The following SOX6 variants were observed in gnomAD, a reference collection of about 807,000 sequenced individuals.
SOX6 encodes the protein transcription factor SOX-6.
SOX6 carries 11 observed loss-of-function variants against 97.8 expected under a neutral mutation model. The observed-to-expected ratio is 0.11, with a 90% CI of 0.07 to 0.19. The LOEUF (loss-of-function observed/expected upper bound fraction) is 0.19. Ranked by LOEUF, SOX6 falls within the 10% of genes least tolerant of loss-of-function variation. SOX6 has a pLI of 1.00. For synonymous variants in SOX6, 360 were observed against 371.4 expected, an observed-to-expected ratio of 0.97 and a Z score of 0.35; for missense variants, 810 against 1,039.5, an observed-to-expected ratio of 0.78 and a Z score of 3.04.
intron 4 of SOX6, among the ~76,000 whole-genome samples, chr11:16,598,049 C>G (rs1261519267): frequency 3.3e-5 from 5 of 152,012 alleles, no homozygotes; most frequent in Admixed American, 6.6e-5. Context: ...AATGGGAAGC[C>G]AGATCCAGAT....
chr11:16,725,830 T>C (rs188059719), intron 2 of SOX6, among the ~76,000 whole-genome samples: 142 of 152,346 alleles, frequency 9.3e-4, no homozygotes, highest in Non-Finnish European at 1.8e-3. Flanking sequence ...ATAGTATTAC[T>C]AATAGATGAA....
rs538299033 is a variant in SOX6, at chr11:16,322,277, C to T, written c.238-3624G>A. Among the ~76,000 whole-genome samples the T allele has an allele frequency of 5.3e-5, 8 of 152,152 alleles. No individual in the cohort carries two copies. The South Asian group carries it at 1.7e-3, about 32-fold the overall frequency. On this transcript the variant is annotated intron_variant, in intron 2 of 15. Coordinates refer to ENST00000683767, the MANE Select transcript of SOX6 (RefSeq NM_001367873.1). ...ATCATGGAGGCAGACTTTCCCCTTG[C>T]TTATGATAATGAGTGAGTTCTCATG...
chr11:16,721,520 C>CTCTCTT, intron 2 of SOX6, among the ~76,000 whole-genome samples: 1 of 65,140 alleles, frequency 1.5e-5, no homozygotes, highest in East Asian at 5.5e-4. Flanking sequence ...CTCTCTCTCT[C>CTCTCTT]TCTCTCTCTC....
chr11:16,147,948 C>T (rs915657168), intron 6 of SOX6, among the ~76,000 whole-genome samples: 1 of 152,158 alleles, frequency 6.6e-6, no homozygotes, highest in South Asian at 2.1e-4. Context: ...CTTTCACACA[C>T]CTTTCAAAGG....
At chr11:16,549,547 T>G (rs926229349) in intron 4 of SOX6, among the ~76,000 whole-genome samples, 7 of 152,196 alleles carry the variant, frequency 4.6e-5, no homozygotes, top group Non-Finnish European at 8.8e-5. Flanking sequence ...CTTTGGCAGT[T>G]TCTTGTAAAA....
Position 16,300,583 on chromosome 11 carries a change from G to C in SOX6, c.445+17863C>G, listed in dbSNP as rs1855227876. On this transcript the variant is annotated intron_variant, in intron 3 of 15. Transcript: ENST00000683767. This position sits in a 1 kb window ranked among gnomAD's most constrained non-coding sequence, Gnocchi z 4.1. ...GTCTAATGCAATCCTCTCAGTGCTG[G>C]AAAGACATTTTCATTCATTACCACG... Among the ~76,000 whole-genome samples, 1 of 152,108 alleles carries C rather than the reference G, an allele frequency of 6.6e-6. No individual in the cohort carries two copies. Among genetic ancestry groups the C allele is most frequent in the South Asian group, 2.1e-4 (1 of 4,830 alleles).
chr11:15,987,470 T>C (rs1236727857), intron 14 of SOX6, among the ~76,000 whole-genome samples: 1 of 152,190 alleles, frequency 6.6e-6, no homozygotes, highest in African/African-American at 2.4e-5. Flanking sequence ...CTTGAAACGC[T>C]TGCACTTAAA....
At chr11:16,618,264 A>G (rs1230828404) in intron 3 of SOX6, among the ~76,000 whole-genome samples, 1 of 151,920 alleles carries the variant, frequency 6.6e-6, no homozygotes, top group Non-Finnish European at 1.5e-5. Flanking sequence ...ACATTTCAAT[A>G]TGGAATATGC....
chr11:16,534,181 T>C (rs1482702548), intron 4 of SOX6, among the ~76,000 whole-genome samples: 7 of 152,122 alleles, frequency 4.6e-5, no homozygotes, highest in Admixed American at 4.6e-4. Context: ...TTAATCTATA[T>C]ATCATACAAT....
chr11:16,642,459 G>T (rs1330652637), intron 3 of SOX6, among the ~76,000 whole-genome samples: 1 of 152,094 alleles, frequency 6.6e-6, no homozygotes, highest in African/African-American at 2.4e-5. Context: ...TTTGAATGTT[G>T]GCCTGCCTTG....
intron 3 of SOX6, among the ~76,000 whole-genome samples, chr11:16,670,074 C>T (rs2134023828): frequency 6.6e-6 from 1 of 152,208 alleles, no homozygotes; most frequent in Admixed American, 6.5e-5. Flanking sequence ...CCAGGCAAGG[C>T]CCCCAACTCA....
chr11:16,656,286 C>A (rs1847716776), intron 3 of SOX6, among the ~76,000 whole-genome samples: 1 of 152,088 alleles, frequency 6.6e-6, no homozygotes, highest in African/African-American at 2.4e-5. Context: ...CCATGTTGGC[C>A]AGGATGGTCT....
chr11:16,412,874 G>T (rs1858849927), intron 1 of SOX6, among the ~76,000 whole-genome samples: 1 of 152,098 alleles, frequency 6.6e-6, no homozygotes. Flanking sequence ...GAGTCTCACT[G>T]GCCTGGCTTG....
intron 6 of SOX6, among the ~76,000 whole-genome samples, chr11:16,113,659 A>G (rs929305692): frequency 1.3e-5 from 2 of 152,192 alleles, no homozygotes; most frequent in African/African-American, 4.8e-5. Flanking sequence ...TTGCCTCCAG[A>G]AATATGGCCC....
intron 9 of SOX6, among the ~76,000 whole-genome samples, chr11:16,090,637 A>G (rs1848664401): frequency 6.9e-6 from 1 of 144,576 alleles, no homozygotes; most frequent in Non-Finnish European, 1.5e-5. Flanking sequence ...TATTTTCCGG[A>G]AAAAAAAAAG....
At chr11:16,026,482 G>A (rs1471098618) in intron 12 of SOX6, among the ~76,000 whole-genome samples, 5 of 152,136 alleles carry the variant, frequency 3.3e-5, no homozygotes, top group Non-Finnish European at 7.4e-5. Flanking sequence ...ATCTGAATGT[G>A]GCTTAAAGAT....
chr11:16,031,107 A>C lies in SOX6; in HGVS notation c.1623+15407T>G, dbSNP rs1855360763. Among the ~76,000 whole-genome samples, 3 of 152,198 alleles carry C rather than the reference A, an allele frequency of 2.0e-5. No homozygotes were observed. The South Asian group carries it at 6.2e-4, about 31-fold the overall frequency. ...AATTTTACAGAACATACTGAGACTC[A>C]GTAAGATTTAGAGACTTCCCCAAGA... is the stretch of plus-strand genomic sequence containing the variant. On this transcript the variant is annotated intron_variant, in intron 12 of 15. Transcript: ENST00000683767.
In SOX6 at chr11:16,607,955, G is replaced by A. The variant is rs1848355004; in HGVS notation, n.609+4126C>T. Among the ~76,000 whole-genome samples the A allele has an allele frequency of 1.3e-5, 2 of 152,058 alleles. No individual in the cohort carries two copies. The highest frequency in any genetic ancestry group is 4.1e-4 in the South Asian group (2 of 4,826). On this transcript the variant is annotated intron_variant and non_coding_transcript_variant, in intron 4 of 5. Coordinates refer to the SOX6 transcript ENST00000524520. The surrounding 1 kb of genome is among the most constrained non-coding windows in gnomAD (Gnocchi z 6.5). ...GAGAGAGCCGCAAAGAGAGAGGAGG[G>A]CAGAGACATCGGCGAGACCAGAGGT...
At chr11:16,299,447 G>A (rs1202373922) in intron 3 of SOX6, among the ~76,000 whole-genome samples, 3 of 151,988 alleles carry the variant, frequency 2.0e-5, no homozygotes, top group African/African-American at 7.3e-5. Context: ...AACGGGGGAG[G>A]GGTGGGAATC....
Sources: gnomAD v4.1 joint callset for allele counts (sites outside exome capture counted in the v4.1 genomes callset) on GRCh38, gnomAD v4.1.1 for gene constraint, Gnocchi (gnomAD v3.1) non-coding constraint, MANE v1.5 for transcripts, NCBI Gene and HGNC (gene_info 2026-07-23, HGNC 2026-07-21) for gene names.